Variants in OR9Q1 observed in about 807,000 individuals in gnomAD.
OR9Q1 encodes olfactory receptor 9Q1.
For missense variants in OR9Q1, 374 were observed against 378.8 expected, an observed-to-expected ratio of 0.99 and a Z score of 0.11; for synonymous variants, 153 against 148.6, an observed-to-expected ratio of 1.03 and a Z score of -0.22.
intron 1 of OR9Q1, among the ~76,000 whole-genome samples, chr11:58,046,416 T>C (rs1000491201): frequency 6.6e-6 from 1 of 152,182 alleles, no homozygotes; most frequent in African/African-American, 2.4e-5. Flanking sequence ...ATAGAACATA[T>C]TATACCAGTT....
chr11:58,132,476 G>A lies in OR9Q1; in HGVS notation c.-14-46955G>A, dbSNP rs1383826669. On this transcript the variant is annotated intron_variant, in intron 2 of 2. Transcript: ENST00000335397. ...ATCTACCCTATAGGATTGTTGTAAAGACTCAATGAGTTAAACAGAGATAGA... is the reference window on the plus strand; with the variant it reads ...ATCTACCCTATAGGATTGTTGTAAAAACTCAATGAGTTAAACAGAGATAGA... Among the ~76,000 whole-genome samples, 4 of 152,314 alleles carry A rather than the reference G, an allele frequency of 2.6e-5. No homozygotes were observed. In the East Asian group the frequency reaches 7.7e-4, roughly 29 times the overall value.
intron 2 of OR9Q1, among the ~76,000 whole-genome samples, chr11:58,163,146 A>T (rs773104280): frequency 6.6e-6 from 1 of 152,186 alleles, no homozygotes; most frequent in Non-Finnish European, 1.5e-5. Flanking sequence ...ATCTTGCTCA[A>T]ATTTTAATTT....
chr11:58,172,467 T>C (rs1049378007), intron 2 of OR9Q1, among the ~76,000 whole-genome samples: 1 of 152,178 alleles, frequency 6.6e-6, no homozygotes, highest in African/African-American at 2.4e-5. Flanking sequence ...TCAGGGTACA[T>C]TAGTGAAGAG....
intron 2 of OR9Q1, among the ~76,000 whole-genome samples, chr11:58,151,896 A>G (rs1854356633): frequency 6.6e-6 from 1 of 152,106 alleles, no homozygotes; most frequent in African/African-American, 2.4e-5. Context: ...CAGTTACAAC[A>G]ATCTACTGTA....
Position 58,166,957 on chromosome 11 carries a change from T to A in OR9Q1, c.-14-12474T>A, listed in dbSNP as rs559180381. Among the ~76,000 whole-genome samples, 48 of 152,338 alleles carry A rather than the reference T, an allele frequency of 3.2e-4. No homozygotes were observed. In the South Asian group the frequency reaches 6.2e-3, roughly 20 times the overall value. ...GAAGTCAGGGCTTTTAGGGTATCCA[T>A]CACCTGAACAACATACATTGTAGCA... On this transcript the variant is annotated intron_variant, in intron 2 of 2. Coordinates refer to ENST00000335397, the MANE Select transcript of OR9Q1 (RefSeq NM_001005212.4).
At chr11:58,077,350 A>G (rs1590574930) in intron 2 of OR9Q1, 1 of 152,352 alleles carries the variant, frequency 6.6e-6, no homozygotes, top group East Asian at 1.9e-4. Context: ...AGCTAGAGTT[A>G]CAGCCTCTCA....
At chr11:58,112,532 T>C (rs1462481161) in intron 2 of OR9Q1, among the ~76,000 whole-genome samples, 1 of 152,178 alleles carries the variant, frequency 6.6e-6, no homozygotes, top group Non-Finnish European at 1.5e-5. Context: ...ACATGTCCCG[T>C]TGGACTTGCA....
chr11:58,132,485 A>T (rs1854150683), intron 2 of OR9Q1, among the ~76,000 whole-genome samples: 1 of 152,248 alleles, frequency 6.6e-6, no homozygotes, highest in Non-Finnish European at 1.5e-5. Context: ...AGACTCAATG[A>T]GTTAAACAGA....
chr11:58,042,261 G>T (rs1477406260), intron 1 of OR9Q1, among the ~76,000 whole-genome samples: 1 of 152,090 alleles, frequency 6.6e-6, no homozygotes, highest in Non-Finnish European at 1.5e-5. Context: ...TTTTCTTCTA[G>T]GGTTTTTATG....
chr11:58,157,998 A>C (rs532863677), intron 2 of OR9Q1, among the ~76,000 whole-genome samples: 1 of 152,330 alleles, frequency 6.6e-6, no homozygotes, highest in African/African-American at 2.4e-5. Flanking sequence ...AAACTAGCTC[A>C]GCAGAGTGAG....
chr11:58,140,501 A>C (rs368458260), intron 2 of OR9Q1, among the ~76,000 whole-genome samples: 2 of 152,186 alleles, frequency 1.3e-5, no homozygotes, highest in Non-Finnish European at 2.9e-5. Flanking sequence ...AGCTTTCTAC[A>C]TATGGCTAGC....
chr11:58,029,074 A>G (rs541482104), intron 1 of OR9Q1, among the ~76,000 whole-genome samples: 17 of 152,358 alleles, frequency 1.1e-4, no homozygotes, highest in African/African-American at 3.4e-4. Context: ...ATGTTACTGC[A>G]TAACAAAGCA....
chr11:58,039,099 C>T (rs1043409086), intron 1 of OR9Q1, among the ~76,000 whole-genome samples: 6 of 152,142 alleles, frequency 3.9e-5, no homozygotes, highest in African/African-American at 1.4e-4. Context: ...AAGTGATTCT[C>T]CTGCCTCAGC....
chr11:58,129,235 TCGTGTG>T (rs1401390690), intron 2 of OR9Q1, among the ~76,000 whole-genome samples: 1 of 114,664 alleles, frequency 8.7e-6, no homozygotes, highest in Non-Finnish European at 1.8e-5. Flanking sequence ...GCAGAGCAAT[TCGTGTG>T]TGTGTGTGTG....
chr11:58,079,386 C>T (rs1853568180), intron 2 of OR9Q1, among the ~76,000 whole-genome samples: 1 of 151,992 alleles, frequency 6.6e-6, no homozygotes, highest in East Asian at 1.9e-4. Context: ...GAAAAGCATT[C>T]TAAAATAAAT....
At chr11:58,157,445 C>T (rs1854417974) in intron 2 of OR9Q1, among the ~76,000 whole-genome samples, 1 of 152,146 alleles carries the variant, frequency 6.6e-6, no homozygotes, top group Non-Finnish European at 1.5e-5. Flanking sequence ...TTGTAAACGT[C>T]ATGAGGGCAA....
At position 58,179,476 on chromosome 11, in the gene OR9Q1, A is replaced by C; in HGVS notation, c.32A>C (p.Glu11Ala). The change falls in exon 3 of 3, where the codon GAG (glutamate) becomes GCG (alanine). Residue 11 changes from glutamate (E) to alanine (A), a missense_variant. Transcript: ENST00000335397. ...GAGATGAACCTCACCTTGGTGACCG[A>C]GTTCCTCCTTATTGCATTCACTGAA... MAEMNLTLVT[E>A]FLLIAFTEYP... 6.3e-7 allele frequency: 1 copy of C among 1,581,038 alleles called. No homozygotes were observed. Among genetic ancestry groups the C allele is most frequent in the Admixed American group, 1.7e-5 (1 of 57,348 alleles).
Position 58,180,411 on chromosome 11 carries a change from C to G in OR9Q1, c.*34C>G. ...AAACTTGGAAAATCCCGAGAACCAC[C>G]TACTCTGTAGTGTCAGAATTCTGGA... On this transcript the variant is annotated 3_prime_UTR_variant, in exon 3 of 3. Coordinates refer to ENST00000335397, the MANE Select transcript of OR9Q1 (RefSeq NM_001005212.4). The G allele has an allele frequency of 7.2e-7, 1 of 1,389,356 alleles. No individual in the cohort carries two copies. 86.1% of individuals were successfully genotyped at this position (1,389,356 alleles called of 1,614,324 possible). A position where few individuals can be genotyped will look rare whatever the true frequency, so the allele number is the denominator to read the frequency against.
intron 2 of OR9Q1, among the ~76,000 whole-genome samples, chr11:58,124,862 C>A (rs1264038416): frequency 1.3e-5 from 2 of 152,136 alleles, no homozygotes; most frequent in East Asian, 3.9e-4. Context: ...CTGCGCTGAT[C>A]ACAATACTAT....
Sources: gnomAD v4.1 joint callset for allele counts (sites outside exome capture counted in the v4.1 genomes callset) on GRCh38, gnomAD v4.1.1 for gene constraint, MANE v1.5 for transcripts, NCBI Gene and HGNC (gene_info 2026-07-23, HGNC 2026-07-21) for gene names.